Variants in USP14 observed in about 807,000 individuals in gnomAD.
USP14 encodes ubiquitin carboxyl-terminal hydrolase 14.
Under a neutral mutation model 76.5 loss-of-function variants are expected in USP14, and 38 were observed. The observed-to-expected ratio is 0.50, with a 90% CI of 0.38 to 0.65. The LOEUF (loss-of-function observed/expected upper bound fraction) is 0.65, where lower values mean the gene tolerates loss of function less well. USP14 is among the 30% of genes least tolerant of loss of function. The probability of loss-of-function intolerance (pLI) is 0.00; values close to 1 mark genes in which losing one functional copy is unlikely to be tolerated. For missense variants in USP14, 467 were observed against 586.5 expected (o/e 0.80, Z 2.10); for synonymous variants, 192 against 191.7 (o/e 1.00, Z -0.01).
intron 13 of USP14, among the ~76,000 whole-genome samples, chr18:205,347 G>A (rs1910500532): frequency 6.6e-6 from 1 of 152,116 alleles, no homozygotes; most frequent in African/African-American, 2.4e-5. Flanking sequence ...TGACCTTGAT[G>A]CAGTCAAAAT....
intron 2 of USP14, 145 bp from the exon 3 acceptor site, chr18:166,642 T>G: frequency 9.7e-7 from 1 of 1,027,804 alleles, no homozygotes; most frequent in African/African-American, 1.6e-5. Flanking sequence ...CAAAAAAAAT[T>G]TTTTTAATTG....
In USP14 at chr18:170,950, A is replaced by G. The variant is rs12052036; in HGVS notation, c.195+4131A>G. ...GGGTCTATAGGTGCAGCAAACCACC[A>G]TGACACAATGTTTACCTGTGTAACA... On this transcript the variant is annotated intron_variant, in intron 3 of 15. Coordinates refer to ENST00000261601, the MANE Select transcript of USP14 (RefSeq NM_005151.4). Among the ~76,000 whole-genome samples the G allele has an allele frequency of 0.026, 3,929 of 148,706 alleles. 343 individuals are homozygous for G. In the East Asian group the frequency reaches 0.31, roughly 12 times the overall value.
intron 5 of USP14, among the ~76,000 whole-genome samples, chr18:187,419 A>G (rs1301134862): frequency 1.3e-5 from 2 of 152,160 alleles, no homozygotes; most frequent in Non-Finnish European, 2.9e-5. Flanking sequence ...TTTGAACTTC[A>G]TAGTCATGTT....
intron 3 of USP14, among the ~76,000 whole-genome samples, chr18:173,202 G>T (rs1909516902): frequency 6.7e-6 from 1 of 149,322 alleles, no homozygotes; most frequent in South Asian, 2.1e-4. Context: ...TCCACCTCCT[G>T]GTTCACGCCA....
intron 3 of USP14, 42 bp downstream of exon 3, chr18:166,861 T>A: frequency 6.4e-7 from 1 of 1,552,184 alleles, no homozygotes; most frequent in Non-Finnish European, 8.9e-7. Flanking sequence ...TGCAGTAACC[T>A]CATTATGATA....
chr18:195,524 G>A (rs1231729427), intron 6 of USP14, among the ~76,000 whole-genome samples: 4 of 152,178 alleles, frequency 2.6e-5, no homozygotes, highest in Admixed American at 6.5e-5. Context: ...TAGGAAGTCC[G>A]CAGAGGAGAA....
Position 211,331 on chromosome 18 carries a change from G to T in USP14, c.*47G>T. ...TTAGATGTGAAAATAAATGTTATTT[G>T]TTGATCATTTCTATAATCCAGAGCT... On this transcript the variant is annotated 3_prime_UTR_variant, in exon 16 of 16. Transcript: ENST00000261601. The T allele has an allele frequency of 2.6e-6, 4 of 1,558,208 alleles. No individual in the cohort carries two copies. The highest frequency in any genetic ancestry group is 3.5e-6 in the Non-Finnish European group (4 of 1,145,464).
chr18:194,023 GTCCC>G (rs980127251), intron 6 of USP14, among the ~76,000 whole-genome samples: 1 of 152,124 alleles, frequency 6.6e-6, no homozygotes, highest in African/African-American at 2.4e-5. Flanking sequence ...TTCCAAAGGA[GTCCC>G]ACCGTTTTAC....
chr18:174,180 G>A (rs1302350944), intron 3 of USP14, among the ~76,000 whole-genome samples: 2 of 151,886 alleles, frequency 1.3e-5, no homozygotes, highest in South Asian at 2.1e-4. Context: ...TTACAAACAT[G>A]GTAAACCTTT....
rs1267066331 is a variant in USP14 at position 186,970 on chromosome 18, AAATT to A, written c.405-5870_405-5867del. 2.0e-5 allele frequency among the ~76,000 whole-genome samples: 3 copies of A among 152,308 alleles called. No homozygotes were observed. The East Asian group carries it at 5.8e-4, about 29-fold the overall frequency. On this transcript the variant is annotated intron_variant, in intron 5 of 15. Transcript: ENST00000261601. ...CTGGAAGTGGAGTTAGTGGGTTAAT[AAATT>A]AGAGTGGATAGTTTGACCTTTCAGA...
At chr18:206,485 G>A (rs545848113) in intron 13 of USP14, among the ~76,000 whole-genome samples, 1 of 152,278 alleles carries the variant, frequency 6.6e-6, no homozygotes, top group South Asian at 2.1e-4. Context: ...CTCCTAGTCT[G>A]TAGCTTATGT....
At chr18:161,165 T>C (rs1044055522) in intron 1 of USP14, among the ~76,000 whole-genome samples, 1 of 152,196 alleles carries the variant, frequency 6.6e-6, no homozygotes, top group Admixed American at 6.5e-5. Context: ...TGACCTCAGG[T>C]GATCCACCTG....
intron 3 of USP14, among the ~76,000 whole-genome samples, chr18:167,057 TTTTGATTAC>T (rs1032642178): frequency 2.0e-5 from 3 of 151,882 alleles, no homozygotes; most frequent in Admixed American, 2.0e-4. Flanking sequence ...TACCAAATGG[TTTTGATTAC>T]TAAAGCTTTA....
At chr18:169,683 A>G (rs1598264484) in intron 3 of USP14, among the ~76,000 whole-genome samples, 2 of 152,190 alleles carry the variant, frequency 1.3e-5, no homozygotes, top group South Asian at 2.1e-4. Context: ...TGTGATTTTT[A>G]TAAGTTGAAG....
chr18:180,504 C>T (rs1909757545), intron 5 of USP14, among the ~76,000 whole-genome samples, 165 bp downstream of exon 5: 1 of 152,122 alleles, frequency 6.6e-6, no homozygotes, highest in Non-Finnish European at 1.5e-5. Flanking sequence ...GTTTGTGCAA[C>T]CATCACCACC....
At chr18:168,368 A>G (rs536038812) in intron 3 of USP14, among the ~76,000 whole-genome samples, 7 of 152,232 alleles carry the variant, frequency 4.6e-5, no homozygotes, top group East Asian at 1.9e-4. Context: ...TGACAATTTT[A>G]CTTCTCCCTT....
chr18:204,157 A>G (rs1598279312), intron 12 of USP14, among the ~76,000 whole-genome samples: 1 of 152,042 alleles, frequency 6.6e-6, no homozygotes, highest in African/African-American at 2.4e-5. Context: ...CTATTGAACT[A>G]TATCACTATT....
chr18:166,758 T>TA (rs751236247), intron 2 of USP14, 29 bp from the exon 3 acceptor site: 1 of 1,608,792 alleles, frequency 6.2e-7, no homozygotes, highest in Non-Finnish European at 8.5e-7. Flanking sequence ...CAGTGGTGGT[T>TA]AAATGTCTTT....
At chr18:195,974 A>AT (rs961249927) in intron 6 of USP14, among the ~76,000 whole-genome samples, 54 of 148,912 alleles carry the variant, frequency 3.6e-4, no homozygotes, top group Middle Eastern at 3.5e-3. Flanking sequence ...TTTAAAAAGG[A>AT]TTTTTTTTTT....
Sources: gnomAD v4.1 joint callset for allele counts (sites outside exome capture counted in the v4.1 genomes callset) on GRCh38, gnomAD v4.1.1 for gene constraint, MANE v1.5 for transcripts, NCBI Gene and HGNC (gene_info 2026-07-23, HGNC 2026-07-21) for gene names.